SPG11: variants seen among roughly 807,000 people sequenced by gnomAD.
The protein encoded by SPG11 is SPG11 vesicle trafficking associated, spatacsin, also known as spatacsin.
Under a neutral mutation model 274.0 loss-of-function variants are expected in SPG11, and 222 were observed. The observed-to-expected ratio is 0.81, with a 90% CI of 0.73 to 0.91. The LOEUF (loss-of-function observed/expected upper bound fraction) is 0.91, where lower values mean the gene tolerates loss of function less well. Ranked by LOEUF, SPG11 falls within the 40% of genes least tolerant of loss-of-function variation. The probability of loss-of-function intolerance (pLI) is 0.00; values close to 1 mark genes in which losing one functional copy is unlikely to be tolerated. For synonymous variants in SPG11, 1,144 were observed against 1,039.7 expected (o/e 1.10, Z -1.93); for missense variants, 3,114 against 2,872.7 (o/e 1.08, Z -1.92).
At chr15:44,589,193 T>C (rs1192161644) in intron 28 of SPG11, 59 bp downstream of exon 28, 1 of 1,577,310 alleles carries the variant, frequency 6.3e-7, no homozygotes, top group Non-Finnish European at 8.7e-7. Flanking sequence ...CTCTAAAGTA[T>C]TTTCAAGATT....
At chr15:44,597,254 AG>A in intron 23 of SPG11, 1 of 298,382 alleles carries the variant, frequency 3.4e-6, no homozygotes, top group South Asian at 3.2e-5. Context: ...CTGGGATTAC[AG>A]GCATGTGCCA....
chr15:44,634,867 A>G (rs1468378064), intron 7 of SPG11, among the ~76,000 whole-genome samples: 2 of 152,194 alleles, frequency 1.3e-5, no homozygotes, highest in Non-Finnish European at 2.9e-5. Context: ...GGCATGAGCC[A>G]TCGCACCTGG....
chr15:44,659,450 TAAGG>T, intron 2 of SPG11, 147 bp from the exon 3 acceptor site: 1 of 702,204 alleles, frequency 1.4e-6, no homozygotes, highest in East Asian at 2.7e-5. Flanking sequence ...CACACCCACC[TAAGG>T]AAGTAGTCAC....
chr15:44,579,526 C>CAAAAAAAAAAA (rs954664107), intron 30 of SPG11, among the ~76,000 whole-genome samples: 4 of 51,856 alleles, frequency 7.7e-5, no homozygotes, highest in Non-Finnish European at 1.1e-4. Context: ...GACTCCGTCT[C>CAAAAAAAAAAA]AAAAAAAAAA....
intron 1 of SPG11, among the ~76,000 whole-genome samples, chr15:44,662,921 A>G (rs1028406367): frequency 2.0e-5 from 3 of 152,240 alleles, no homozygotes; most frequent in African/African-American, 7.2e-5. Context: ...CTGTCCTTGA[A>G]GAAGAGGACT....
chr15:44,609,353 T>A (rs2083401198), intron 18 of SPG11, among the ~76,000 whole-genome samples: 1 of 151,660 alleles, frequency 6.6e-6, no homozygotes, highest in Admixed American at 6.6e-5. Context: ...TAGGTCTCCA[T>A]CTCCTGACCT....
chr15:44,613,336 A>T, intron 17 of SPG11, 94 bp downstream of exon 17: 1 of 856,370 alleles, frequency 1.2e-6, no homozygotes, highest in East Asian at 2.7e-5. Flanking sequence ...ACAGCCAAAT[A>T]ATTTATTTAA....
intron 7 of SPG11, among the ~76,000 whole-genome samples, chr15:44,643,736 T>C (rs1014085550): frequency 7.0e-6 from 1 of 142,080 alleles, no homozygotes; most frequent in African/African-American, 2.6e-5. Context: ...ATCGAGAAGG[T>C]GAAAAGCCAA....
At chr15:44,577,502 C>CAAA (rs755097423) in intron 30 of SPG11, among the ~76,000 whole-genome samples, 29 of 91,654 alleles carry the variant, frequency 3.2e-4, no homozygotes, top group African/African-American at 4.0e-4. Flanking sequence ...GGCCCTATCT[C>CAAA]AAAAAAAAAA....
At position 44,573,545 on chromosome 15, in the gene SPG11, AC is replaced by A; in HGVS notation, c.6205+1del. The A allele has an allele frequency of 1.2e-6, 2 of 1,614,154 alleles. No individual in the cohort carries two copies. The highest frequency in any genetic ancestry group is 1.7e-6 in the Non-Finnish European group (2 of 1,179,994). ...GTTGGGAATCCCCGGGGGGTAGGGCACCTGTTCCCTGTGATGAAGTAAGCAG... is the reference window on the plus strand; with the variant it reads ...GTTGGGAATCCCCGGGGGGTAGGGCACTGTTCCCTGTGATGAAGTAAGCAG... On this transcript the variant is annotated splice_donor_variant, in intron 32 of 39. Coordinates refer to ENST00000261866, the MANE Select transcript of SPG11 (RefSeq NM_025137.4). LOFTEE classifies it high-confidence loss of function.
At chr15:44,578,657 G>C (rs1016644166) in intron 30 of SPG11, among the ~76,000 whole-genome samples, 5 of 152,122 alleles carry the variant, frequency 3.3e-5, no homozygotes, top group Non-Finnish European at 4.4e-5. Flanking sequence ...TGACCACTAG[G>C]TGGCGTGCAC....
At chr15:44,635,361 G>A (rs1240029442) in intron 7 of SPG11, among the ~76,000 whole-genome samples, 2 of 151,914 alleles carry the variant, frequency 1.3e-5, no homozygotes, top group Non-Finnish European at 2.9e-5. Context: ...GACTGCTTGA[G>A]CCCAGGAGTT....
Position 44,651,640 on chromosome 15 carries a change from G to C in SPG11, c.1307C>G (p.Thr436Ser), listed in dbSNP as rs752833460. The change falls in exon 6 of 40, where the codon ACT becomes AGT. Residue 436 changes from threonine (T) to serine (S), a missense_variant. Thr to Ser is a moderately conservative substitution (Grantham distance 58). Coordinates refer to ENST00000261866, the MANE Select transcript of SPG11 (RefSeq NM_025137.4). ...ELKCVSVTGF[T>S]ALFTWEVERM... ...TTCCACTTCCCAAGTAAACAGTGCA[G>C]TGAATCCTGTCACAGACACACATTT... The C allele has an allele frequency of 3.7e-6, 6 of 1,614,232 alleles. No individual in the cohort carries two copies. The South Asian group carries it at 5.5e-5, about 15-fold the overall frequency.
At chr15:44,641,147 T>C (rs1765153131) in intron 7 of SPG11, among the ~76,000 whole-genome samples, 2 of 152,166 alleles carry the variant, frequency 1.3e-5, no homozygotes, top group South Asian at 2.1e-4. Flanking sequence ...TCATAATTTA[T>C]AGCTGGGTGT....
intron 11 of SPG11, among the ~76,000 whole-genome samples, chr15:44,625,138 A>C (rs1226339848): frequency 2.6e-5 from 4 of 151,772 alleles, no homozygotes; most frequent in African/African-American, 9.6e-5. Flanking sequence ...CTGTCTCAAA[A>C]AAAAAAAAAA....
chr15:44,652,536 ACT>A (rs1466190830), intron 4 of SPG11, among the ~76,000 whole-genome samples: 1 of 151,996 alleles, frequency 6.6e-6, no homozygotes, highest in Non-Finnish European at 1.5e-5. Context: ...CTTCACACAA[ACT>A]CTTATTTAAG....
intron 3 of SPG11, 87 bp from the exon 4 acceptor site, chr15:44,657,383 A>G (rs1411180803): frequency 1.6e-6 from 2 of 1,234,566 alleles, no homozygotes; most frequent in Non-Finnish European, 2.3e-6. Flanking sequence ...TATAGACTTT[A>G]TCACTCCAAT....
At chr15:44,609,817 G>A (rs1172794359) in intron 18 of SPG11, among the ~76,000 whole-genome samples, 3 of 146,840 alleles carry the variant, frequency 2.0e-5, no homozygotes, top group South Asian at 2.1e-4. Flanking sequence ...CTGCAGCCTC[G>A]ACTTCCCAGG....
At chr15:44,573,355 A>G (rs1482542174) in intron 32 of SPG11, 192 bp downstream of exon 32, 1 of 660,002 alleles carries the variant, frequency 1.5e-6, no homozygotes, top group South Asian at 1.8e-5. Context: ...AAGCAACAGC[A>G]TGTATTTTGT....
Sources: gnomAD v4.1 joint callset for allele counts (sites outside exome capture counted in the v4.1 genomes callset) on GRCh38, gnomAD v4.1.1 for gene constraint, MANE v1.5 for transcripts, NCBI Gene and HGNC (gene_info 2026-07-23, HGNC 2026-07-21) for gene names.